ZNF730: variants seen among roughly 807,000 people sequenced by gnomAD.
ZNF730 encodes the protein putative zinc finger protein 730.
In ZNF730, 12 loss-of-function variants were observed where a neutral mutation model predicts 12.6. That is an observed-to-expected ratio of 0.95 (90% CI 0.61 to 1.54). The LOEUF (loss-of-function observed/expected upper bound fraction) is 1.54, where lower values mean the gene tolerates loss of function less well. Ranked by LOEUF, ZNF730 falls within the 40% of genes most tolerant of loss-of-function variation. The pLI is 0.00. For synonymous variants in ZNF730, 194 were observed against 195.8 expected (o/e 0.99, Z 0.08); for missense variants, 643 against 583.5 (o/e 1.10, Z -1.05).
At chr19:23,121,385 C>T (rs1970596519) in intron 1 of ZNF730, among the ~76,000 whole-genome samples, 1 of 152,068 alleles carries the variant, frequency 6.6e-6, no homozygotes, top group South Asian at 2.1e-4. Flanking sequence ...GTTGCCCAGG[C>T]TAGAGTGTAG....
At chr19:23,107,523 C>CTCACCATG (rs1970410172) in intron 1 of ZNF730, among the ~76,000 whole-genome samples, 1 of 140,986 alleles carries the variant, frequency 7.1e-6, no homozygotes, top group African/African-American at 2.7e-5. Context: ...GAGACAGGGT[C>CTCACCATG]TCACCATGTT....
At chr19:23,083,059 T>C (rs1433271927) in intron 1 of ZNF730, among the ~76,000 whole-genome samples, 1 of 152,208 alleles carries the variant, frequency 6.6e-6, no homozygotes, top group Non-Finnish European at 1.5e-5. Flanking sequence ...TCTTAGCTTT[T>C]ATAAATAGTG....
upstream of ZNF730, among the ~76,000 whole-genome samples, chr19:23,112,260 C>G (rs1055192431): frequency 6.6e-6 from 1 of 152,108 alleles, no homozygotes; most frequent in African/African-American, 2.4e-5. Flanking sequence ...TTAATAAGAT[C>G]AAAAATCAAG....
intron 2 of ZNF730, 86 bp downstream of exon 2, chr19:23,134,292 G>GTTTTT (rs1310438801): frequency 8.2e-7 from 1 of 1,215,040 alleles, no homozygotes; most frequent in African/African-American, 1.6e-5. Flanking sequence ...CAGATCCCGG[G>GTTTTT]TTTTTTTCTT....
At chr19:23,096,032 C>T (rs911791758) in intron 1 of ZNF730, among the ~76,000 whole-genome samples, 2 of 152,142 alleles carry the variant, frequency 1.3e-5, no homozygotes, top group Admixed American at 1.3e-4. Context: ...CGACTCTCTT[C>T]TTACACCTGG....
chr19:23,138,395 A>G (rs938390600), intron 3 of ZNF730, among the ~76,000 whole-genome samples: 2 of 152,198 alleles, frequency 1.3e-5, no homozygotes, highest in African/African-American at 4.8e-5. Context: ...CTGTGGCTCA[A>G]AGAGCTGGAA....
At chr19:23,122,591 G>A (rs991723323) in intron 1 of ZNF730, among the ~76,000 whole-genome samples, 2 of 152,188 alleles carry the variant, frequency 1.3e-5, no homozygotes, top group African/African-American at 4.8e-5. Context: ...CATATTTGCA[G>A]GCTAAAGTAC....
At chr19:23,078,384 G>A (rs937563780) in intron 1 of ZNF730, among the ~76,000 whole-genome samples, 1 of 152,074 alleles carries the variant, frequency 6.6e-6, no homozygotes, top group Admixed American at 6.6e-5. Flanking sequence ...CTGCCTTAAG[G>A]CTGCAGGTGA....
intron 1 of ZNF730, among the ~76,000 whole-genome samples, chr19:23,079,375 C>G (rs1969925246): frequency 6.6e-6 from 1 of 152,042 alleles, no homozygotes; most frequent in Non-Finnish European, 1.5e-5. Flanking sequence ...TCAGGCTGGT[C>G]TCCAACTCCC....
chr19:23,143,990 C>G (rs892650778), intron 3 of ZNF730: 2 of 151,718 alleles, frequency 1.3e-5, no homozygotes, highest in African/African-American at 2.4e-5. Flanking sequence ...GGTATTATTT[C>G]TTCTTGTATT....
At chr19:23,123,875 CTG>C (rs1970629692) in intron 1 of ZNF730, 1 of 153,808 alleles carries the variant, frequency 6.5e-6, no homozygotes, top group African/African-American at 2.4e-5. Context: ...CCCATGGTCT[CTG>C]TGAATGAGGT....
In ZNF730 at chr19:23,105,648, A is replaced by G. The variant is rs1340480907; in HGVS notation, c.-93-28432A>G. 3.9e-5 allele frequency among the ~76,000 whole-genome samples: 6 copies of G among 152,210 alleles called. No homozygotes were observed. The East Asian group carries it at 9.6e-4, about 24-fold the overall frequency. ...TAAAACAATTTAACGGTTTATTGTA[A>G]TGTTATATATACATTTATCATATTA... is the stretch of plus-strand genomic sequence containing the variant. On this transcript the variant is annotated intron_variant, in intron 1 of 2. Transcript: ENST00000593635.
At chr19:23,086,228 T>G (rs1023680781) in intron 1 of ZNF730, among the ~76,000 whole-genome samples, 10 of 152,202 alleles carry the variant, frequency 6.6e-5, no homozygotes, top group Admixed American at 3.9e-4. Flanking sequence ...GGATGCATAG[T>G]TTGCAAAAAT....
intron 1 of ZNF730, among the ~76,000 whole-genome samples, chr19:23,089,954 T>C (rs2447486): frequency 0.43 from 65,093 of 151,964 alleles, 15,821 homozygotes; most frequent in African/African-American, 0.68. Context: ...ACAATAAGAT[T>C]CCAGCTGAGA....
chr19:23,135,221 TAAAAAAAAAAAAAAAA>T (rs57748615), intron 2 of ZNF730, among the ~76,000 whole-genome samples: 65 of 38,826 alleles, frequency 1.7e-3, no homozygotes, highest in South Asian at 4.8e-3. Flanking sequence ...GAATGATCAA[TAAAAAAAAAAAAAAAA>T]AAAAAAAAAA....
At chr19:23,140,655 A>G (rs1599601253) in intron 3 of ZNF730, among the ~76,000 whole-genome samples, 1 of 150,416 alleles carries the variant, frequency 6.6e-6, no homozygotes, top group African/African-American at 2.4e-5. Flanking sequence ...AAAATTTACC[A>G]TCTTAAAACT....
At chr19:23,106,281 C>T (rs1202934572) in intron 1 of ZNF730, among the ~76,000 whole-genome samples, 2 of 151,928 alleles carry the variant, frequency 1.3e-5, no homozygotes, top group East Asian at 1.9e-4. Flanking sequence ...GTAGTTAGGA[C>T]GATGAAACAG....
chr19:23,107,704 A>G (rs959848378), intron 1 of ZNF730, among the ~76,000 whole-genome samples: 45 of 152,222 alleles, frequency 3.0e-4, no homozygotes, highest in African/African-American at 1.0e-3. Flanking sequence ...AAAAAATTAC[A>G]TAGTACATAT....
At chr19:23,093,514 C>A (rs1184838974) in intron 1 of ZNF730, among the ~76,000 whole-genome samples, 2 of 152,222 alleles carry the variant, frequency 1.3e-5, no homozygotes, top group Admixed American at 6.5e-5. Context: ...CATCCCGCCC[C>A]TCTGGTTCCT....
Sources: allele counts gnomAD v4.1 joint callset (sites outside exome capture counted in the v4.1 genomes callset), GRCh38; gene constraint gnomAD v4.1.1; transcripts MANE v1.5; gene names NCBI Gene and HGNC (gene_info 2026-07-23, HGNC 2026-07-21).